RAPGEF5: variants seen among roughly 807,000 people sequenced by gnomAD.
RAPGEF5 encodes Rap guanine nucleotide exchange factor 5, also known as M-Ras-regulated GEF.
Under a neutral mutation model 125.2 loss-of-function variants are expected in RAPGEF5, and 65 were observed. The observed-to-expected ratio is 0.52, with a 90% CI of 0.43 to 0.64. RAPGEF5 has a LOEUF of 0.64. Among genes scored for constraint, RAPGEF5 ranks in the 30% least tolerant of loss-of-function variants. The pLI is 0.00. For missense variants in RAPGEF5, 958 were observed against 1,048.1 expected, an observed-to-expected ratio of 0.91 and a Z score of 1.19; for synonymous variants, 391 against 385.9, an observed-to-expected ratio of 1.01 and a Z score of -0.16.
intron 5 of RAPGEF5, among the ~76,000 whole-genome samples, chr7:22,301,855 G>A (rs1280597671): frequency 1.3e-5 from 2 of 152,038 alleles, no homozygotes; most frequent in African/African-American, 4.8e-5. Flanking sequence ...AAATAATTTT[G>A]GTTTTTTTCC....
intron 18 of RAPGEF5, among the ~76,000 whole-genome samples, chr7:22,148,895 G>A (rs993878711): frequency 4.6e-5 from 7 of 152,020 alleles, no homozygotes; most frequent in South Asian, 4.2e-4. Flanking sequence ...CATGGGGAGC[G>A]GTAAAATCAA....
intron 14 of RAPGEF5, among the ~76,000 whole-genome samples, chr7:22,159,924 C>T (rs1356088268): frequency 6.6e-6 from 1 of 152,138 alleles, no homozygotes; most frequent in Non-Finnish European, 1.5e-5. Flanking sequence ...GCCTGGCCAA[C>T]ATAGCTAAAT....
At chr7:22,296,328 G>T (rs569403871) in intron 5 of RAPGEF5, among the ~76,000 whole-genome samples, 23 of 152,230 alleles carry the variant, frequency 1.5e-4, no homozygotes, top group African/African-American at 5.5e-4. Flanking sequence ...CCAAGAGAAG[G>T]GGGGATGACA....
chr7:22,286,953 A>G (rs1254151176), intron 6 of RAPGEF5, among the ~76,000 whole-genome samples: 2 of 152,244 alleles, frequency 1.3e-5, no homozygotes, highest in African/African-American at 4.8e-5. Flanking sequence ...AGAGACTTGC[A>G]GTCGATGAAA....
chr7:22,211,898 T>C (rs1035003865), intron 9 of RAPGEF5, among the ~76,000 whole-genome samples: 32 of 151,736 alleles, frequency 2.1e-4, no homozygotes, highest in African/African-American at 7.3e-4. Context: ...CTCCAGCTGG[T>C]TGGTTCTGTT....
At chr7:22,229,640 C>T (rs1271610206) in intron 8 of RAPGEF5, among the ~76,000 whole-genome samples, 1 of 152,188 alleles carries the variant, frequency 6.6e-6, no homozygotes, top group Non-Finnish European at 1.5e-5. Context: ...AAGCTCACCT[C>T]GCATGACTTG....
chr7:22,186,283 C>T (rs775147936), intron 11 of RAPGEF5, among the ~76,000 whole-genome samples: 1 of 152,136 alleles, frequency 6.6e-6, no homozygotes, highest in Non-Finnish European at 1.5e-5. Flanking sequence ...ACTGGGGATA[C>T]CTATGCATAC....
intron 9 of RAPGEF5, among the ~76,000 whole-genome samples, chr7:22,212,811 G>C (rs1323629424): frequency 2.6e-5 from 4 of 152,160 alleles, no homozygotes; most frequent in Non-Finnish European, 5.9e-5. Context: ...AAGAATATAA[G>C]GTCACCTGGG....
intron 17 of RAPGEF5, among the ~76,000 whole-genome samples, chr7:22,152,796 T>C (rs996173055): frequency 6.6e-6 from 1 of 152,222 alleles, no homozygotes; most frequent in African/African-American, 2.4e-5. Context: ...GTTTTCTTTG[T>C]GAAAACATTA....
chr7:22,300,361 G>C (rs910766933), intron 5 of RAPGEF5, among the ~76,000 whole-genome samples: 5 of 151,956 alleles, frequency 3.3e-5, no homozygotes, highest in African/African-American at 1.2e-4. Flanking sequence ...TTTGAAACTT[G>C]TTTACCTAAT....
At chr7:22,250,706 G>A (rs1156662395) in intron 7 of RAPGEF5, among the ~76,000 whole-genome samples, 5 of 152,032 alleles carry the variant, frequency 3.3e-5, no homozygotes, top group Non-Finnish European at 7.4e-5. Flanking sequence ...GAAAAAAGTC[G>A]ATAAAATGAA....
intron 9 of RAPGEF5, among the ~76,000 whole-genome samples, chr7:22,210,477 C>T (rs1374169358): frequency 2.0e-5 from 3 of 152,180 alleles, no homozygotes; most frequent in Non-Finnish European, 4.4e-5. Flanking sequence ...CACCCCGACT[C>T]GCACCTCTGA....
chr7:22,164,048 T>C (rs1784086748), intron 12 of RAPGEF5, among the ~76,000 whole-genome samples: 2 of 152,198 alleles, frequency 1.3e-5, no homozygotes, highest in Non-Finnish European at 2.9e-5. Flanking sequence ...TAACAATTTA[T>C]CTAGGCCAAC....
chr7:22,232,194 A>G (rs1203159403), intron 7 of RAPGEF5, among the ~76,000 whole-genome samples: 2 of 152,192 alleles, frequency 1.3e-5, no homozygotes, highest in Non-Finnish European at 2.9e-5. Context: ...TATTCCTTGT[A>G]TCCATCATGC....
intron 7 of RAPGEF5, among the ~76,000 whole-genome samples, chr7:22,245,637 A>C (rs547292884): frequency 6.6e-6 from 1 of 152,090 alleles, no homozygotes; most frequent in Non-Finnish European, 1.5e-5. Flanking sequence ...ATAAAAGTAC[A>C]TGTATTTTGA....
intron 1 of RAPGEF5, among the ~76,000 whole-genome samples, chr7:22,349,422 CAAAAA>C (rs34428356): frequency 1.3e-5 from 1 of 74,986 alleles, no homozygotes; most frequent in African/African-American, 5.2e-5. Context: ...AGACTCCATC[CAAAAA>C]AAAAAAAAAA....
At chr7:22,174,298 C>A (rs2128118710) in intron 11 of RAPGEF5, among the ~76,000 whole-genome samples, 1 of 152,286 alleles carries the variant, frequency 6.6e-6, no homozygotes, top group East Asian at 1.9e-4. Context: ...GTGAGCAAAG[C>A]AACGGATGTG....
intron 1 of RAPGEF5, among the ~76,000 whole-genome samples, chr7:22,329,046 T>C (rs2128157279): frequency 6.6e-6 from 1 of 152,358 alleles, no homozygotes; most frequent in Admixed American, 6.5e-5. Flanking sequence ...CTTAAAGTTA[T>C]TTGTGTTTAC....
chr7:22,252,025 A>G (rs989902320), intron 7 of RAPGEF5, among the ~76,000 whole-genome samples: 1 of 152,104 alleles, frequency 6.6e-6, no homozygotes, highest in African/African-American at 2.4e-5. Flanking sequence ...CACAAAAAAC[A>G]TGTTCCCAGG....
Sources: gnomAD v4.1 joint callset for allele counts (sites outside exome capture counted in the v4.1 genomes callset) on GRCh38, gnomAD v4.1.1 for gene constraint, MANE v1.5 for transcripts, NCBI Gene and HGNC (gene_info 2026-07-23, HGNC 2026-07-21) for gene names.